SUGP2: variants seen among roughly 807,000 people sequenced by gnomAD.
SUGP2 encodes SURP and G-patch domain containing 2.
Under a neutral mutation model 90.5 loss-of-function variants are expected in SUGP2, and 24 were observed. The observed-to-expected ratio is 0.27, with a 90% CI of 0.19 to 0.37. The LOEUF (loss-of-function observed/expected upper bound fraction) is 0.37. SUGP2 is among the 10% of genes least tolerant of loss of function. SUGP2 has a pLI of 1.00. For missense variants in SUGP2, 1,233 were observed against 1,363.3 expected (o/e 0.90, Z 1.51); for synonymous variants, 473 against 513.4 (o/e 0.92, Z 1.06).
Position 19,024,626 on chromosome 19 carries a change from C to T in SUGP2, c.1722G>A (p.Leu574=). The T allele has an allele frequency of 1.9e-6, 3 of 1,610,380 alleles. No homozygotes were observed. The South Asian group carries it at 3.3e-5, about 18-fold the overall frequency. ...TTTGGCTGATTTCCTTACCATCACT[C>T]AGACTACTTGGAGCCTTGGCCTGAA... is the stretch of plus-strand genomic sequence containing the variant. ...PEIQAKAPSS[L]SDAVPQRADH... Residue 574 remains leucine, a synonymous_variant, in exon 3 of 11, where the codon CTG becomes CTA. Transcript: ENST00000452918.
chr19:19,017,895 AG>A (rs1389705853), intron 4 of SUGP2, among the ~76,000 whole-genome samples: 8 of 152,214 alleles, frequency 5.3e-5, no homozygotes, highest in African/African-American at 1.2e-4. Flanking sequence ...CCAGAAAGGT[AG>A]GCAGAAATAC....
Position 19,001,616 on chromosome 19 carries a change from C to G in SUGP2, c.2988G>C (p.Lys996Asn). 2 of 1,614,206 alleles carry G rather than the reference C, an allele frequency of 1.2e-6. No homozygotes were observed. Among genetic ancestry groups the G allele is most frequent in the Non-Finnish European group, 1.7e-6 (2 of 1,180,030 alleles). ...GACTACCAATGATTACGCTCACCTT[C>G]TTTTTGGACATGGGACGACCCCGAG... Reference protein sequence around the residue: ...DRPRGRPMSKKKKPKDLDFAQ... With the variant: ...DRPRGRPMSKNKKPKDLDFAQ... Residue 996 changes from lysine to asparagine, a missense_variant, in exon 8 of 11, where the codon AAG becomes AAC. By Grantham distance (94) the Lys-to-Asn change is moderately conservative (BLOSUM62 0). Transcript: ENST00000452918.
rs757786855 is a variant in SUGP2, at chr19:18,994,474, C to T, written c.3141G>A (p.Ser1047=). ...CGTCAGCACCCAACCCTTCCCCTTC[C>T]GAGGGGGTTCCCCTAGGGAGTGAAA... The part of the protein sequence containing the change: ...IREPVSVGTP[S]EGEGLGADGQ... Residue 1047 remains serine (S), a synonymous_variant, in exon 10 of 11, where the codon TCG becomes TCA. Transcript: ENST00000452918. 1.2e-5 allele frequency: 19 copies of T among 1,614,038 alleles called. No homozygotes were observed. The highest frequency in any genetic ancestry group is 2.7e-5 in the African/African-American group (2 of 74,928).
intron 3 of SUGP2, among the ~76,000 whole-genome samples, chr19:19,023,353 C>G (rs955826318): frequency 1.3e-5 from 2 of 152,128 alleles, no homozygotes; most frequent in Non-Finnish European, 2.9e-5. Flanking sequence ...CAGGGTGATT[C>G]TAGCCCAGGC....
chr19:19,019,248 C>G lies in SUGP2; in HGVS notation c.1730-19G>C. The G allele has an allele frequency of 6.2e-7, 1 of 1,602,410 alleles. No individual in the cohort carries two copies. The highest frequency in any genetic ancestry group is 8.5e-7 in the Non-Finnish European group (1 of 1,170,890). ...GGGACAGCTGGAACACACAGAACAGCTTCTCTGAGAAATATGCTGAATGTG... is the reference window on the plus strand; with the variant it reads ...GGGACAGCTGGAACACACAGAACAGGTTCTCTGAGAAATATGCTGAATGTG... On this transcript the variant is annotated intron_variant, in intron 3 of 10. Transcript: ENST00000452918.
intron 10 of SUGP2, 193 bp downstream of exon 10, chr19:18,994,173 C>T (rs2145215220): frequency 1.3e-6 from 1 of 752,484 alleles, no homozygotes; most frequent in Non-Finnish European, 2.1e-6. Context: ...GCTCCTTCAG[C>T]AAACCTGGAA....
At position 19,025,453 on chromosome 19, in the gene SUGP2, G is replaced by T. The variant is rs200911015; in HGVS notation, c.895C>A (p.Pro299Thr). The stretch of plus-strand genomic sequence containing the variant: ...AGATTCTTCAGATCCAGCCCCAGAG[G>T]GATCTTCTGAATGGGGAACTGGATA... ...EDIQFPIQKI[P>T]LGLDLKNLRL... Residue 299 changes from proline (P) to threonine (T), a missense_variant, in exon 3 of 11, where the codon CCT becomes ACT. Coordinates refer to ENST00000452918, the MANE Select transcript of SUGP2 (RefSeq NM_001017392.5). The T allele has an allele frequency of 2.9e-5, 47 of 1,614,000 alleles. No individual in the cohort carries two copies. Among genetic ancestry groups the T allele is most frequent in the Non-Finnish European group, 4.2e-6 (5 of 1,180,018 alleles).
intron 8 of SUGP2, among the ~76,000 whole-genome samples, chr19:18,995,567 G>C (rs2057541358): frequency 6.6e-6 from 1 of 152,212 alleles, no homozygotes; most frequent in Non-Finnish European, 1.5e-5. Context: ...GCCAGTCCCG[G>C]GGTCAAGGAG....
intron 6 of SUGP2, among the ~76,000 whole-genome samples, chr19:19,007,998 A>G (rs986733382): frequency 1.3e-5 from 2 of 151,980 alleles, no homozygotes; most frequent in Admixed American, 1.3e-4. Flanking sequence ...AACTCGGGTG[A>G]TTAGAACAGA....
chr19:19,020,922 G>C (rs2058699742), intron 3 of SUGP2, among the ~76,000 whole-genome samples: 1 of 152,022 alleles, frequency 6.6e-6, no homozygotes. Context: ...CACTTTGGGA[G>C]GCCGAGGCGG....
chr19:19,032,510 A>T (rs2059212784), intron 1 of SUGP2, among the ~76,000 whole-genome samples: 1 of 152,126 alleles, frequency 6.6e-6, no homozygotes, highest in Non-Finnish European at 1.5e-5. Context: ...AGAGGCTCTG[A>T]GAACTTCCTT....
chr19:19,023,480 A>G (rs185568545), intron 3 of SUGP2, among the ~76,000 whole-genome samples: 1 of 152,212 alleles, frequency 6.6e-6, no homozygotes, highest in African/African-American at 2.4e-5. Flanking sequence ...GACATATGCT[A>G]CCACCCCTGG....
intron 8 of SUGP2, among the ~76,000 whole-genome samples, chr19:19,000,929 T>C (rs1182065354): frequency 6.6e-6 from 1 of 151,938 alleles, no homozygotes; most frequent in Non-Finnish European, 1.5e-5. Context: ...GGTCTTAAAC[T>C]CTTGGACTCA....
chr19:19,013,387 TCTGTGTTTTCCAATTC>T (rs1176681128), intron 4 of SUGP2, among the ~76,000 whole-genome samples: 1 of 152,214 alleles, frequency 6.6e-6, no homozygotes, highest in Non-Finnish European at 1.5e-5. Flanking sequence ...ATTTCCCATC[TCTGTGTTTTCCAATTC>T]CTGTGTTTTT....
chr19:18,996,542 C>A (rs2057597798), intron 8 of SUGP2, among the ~76,000 whole-genome samples: 1 of 151,870 alleles, frequency 6.6e-6, no homozygotes, highest in Admixed American at 6.6e-5. Flanking sequence ...TGTGCCACTG[C>A]ACCCAGCTTT....
chr19:19,026,667 T>C (rs1443815693), intron 2 of SUGP2, among the ~76,000 whole-genome samples: 1 of 152,240 alleles, frequency 6.6e-6, no homozygotes, highest in Non-Finnish European at 1.5e-5. Context: ...GGAGCACTTC[T>C]GTGTTTCTAC....
rs546491029 is a variant in SUGP2 at position 19,012,738 on chromosome 19, T to C, written c.1851-2396A>G. Reference sequence around the variant, plus strand: ...CAGATTGTCTCTGTTTATGCTCATTTCCTGTGTTATAAAATCTTCCACAAC... The same window carrying C: ...CAGATTGTCTCTGTTTATGCTCATTCCCTGTGTTATAAAATCTTCCACAAC... On this transcript the variant is annotated intron_variant, in intron 4 of 10. Coordinates refer to ENST00000452918, the MANE Select transcript of SUGP2 (RefSeq NM_001017392.5). Among the ~76,000 whole-genome samples the C allele has an allele frequency of 2.0e-5, 3 of 152,358 alleles. No individual in the cohort carries two copies. In the East Asian group the frequency reaches 5.8e-4, roughly 29 times the overall value.
In SUGP2 at chr19:18,994,423, G is replaced by T; in HGVS notation, c.3192C>A (p.Phe1064Leu). The change falls in exon 10 of 11, where the codon TTC (phenylalanine) becomes TTA (leucine). Residue 1064 changes from phenylalanine to leucine, a missense_variant. Phe to Leu is a conservative substitution (Grantham distance 22, BLOSUM62 0). Transcript: ENST00000452918. ...GCATCATCCTCTGTCGGAACACATC[G>T]AATGTGTCTTCTTTGTGCTCCTGCC... ...ADGQEHKEDT[F>L]DVFRQRMMQM... 1 of 1,614,162 alleles carries T rather than the reference G, an allele frequency of 6.2e-7. No individual in the cohort carries two copies. The highest frequency in any genetic ancestry group is 8.5e-7 in the Non-Finnish European group (1 of 1,180,020).
rs530870455 is a variant in SUGP2 at position 18,996,507 on chromosome 19, T to C, written c.2992-1227A>G. Among the ~76,000 whole-genome samples the C allele has an allele frequency of 9.9e-5, 15 of 151,900 alleles. 1 individual carries two copies. The South Asian group carries it at 2.3e-3, about 23-fold the overall frequency. On this transcript the variant is annotated intron_variant, in intron 8 of 10. Transcript: ENST00000452918. ...TTTAAGTGATCCTCCCACCTCAGTCTCCCCATTAACTGGAACTATAGGTAT... is the reference window on the plus strand; with the variant it reads ...TTTAAGTGATCCTCCCACCTCAGTCCCCCCATTAACTGGAACTATAGGTAT...
Sources: allele counts gnomAD v4.1 joint callset (sites outside exome capture counted in the v4.1 genomes callset), GRCh38; gene constraint gnomAD v4.1.1; transcripts MANE v1.5; gene names NCBI Gene and HGNC (gene_info 2026-07-23, HGNC 2026-07-21).